TCF25: variants seen among roughly 807,000 people sequenced by gnomAD.
TCF25 encodes ribosome quality control complex subunit TCF25.
In TCF25, 41 loss-of-function variants were observed where a neutral mutation model predicts 83.1. The ratio of observed to expected loss-of-function variants is 0.49; its 90% CI spans 0.38 to 0.64. The LOEUF is 0.64. Ranked by LOEUF, TCF25 falls within the 30% of genes least tolerant of loss-of-function variation. TCF25 has a pLI of 0.00. For synonymous variants in TCF25, 458 were observed against 365.0 expected (o/e 1.25, Z -2.90); for missense variants, 979 against 914.5 (o/e 1.07, Z -0.91).
chr16:89,908,848 C>A, intron 16 of TCF25: 2 of 1,144,678 alleles, frequency 1.7e-6, no homozygotes, highest in Non-Finnish European at 2.3e-6. Flanking sequence ...TCGCAGCTCC[C>A]AGCTCTCTCC....
intron 16 of TCF25, chr16:89,909,287 A>C: frequency 1.8e-6 from 1 of 555,324 alleles, no homozygotes; most frequent in East Asian, 7.0e-5. Flanking sequence ...CAAGGTGGGC[A>C]AATCACAAGG....
At chr16:89,891,195 G>A (rs780122026) in intron 5 of TCF25, among the ~76,000 whole-genome samples, 3 of 152,238 alleles carry the variant, frequency 2.0e-5, no homozygotes, top group Non-Finnish European at 2.9e-5. Flanking sequence ...CGTTGGGTCT[G>A]TTCTGGAGGC....
chr16:89,883,761 C>T (rs1008645831), intron 2 of TCF25: 6 of 452,148 alleles, frequency 1.3e-5, no homozygotes, highest in South Asian at 5.8e-5. Context: ...TAACCGCACA[C>T]GTGTGTCCCT....
At chr16:89,907,368 CCTCCCA>C in intron 16 of TCF25, 46 bp downstream of exon 16, 1 of 1,029,230 alleles carries the variant, frequency 9.7e-7, no homozygotes, top group Non-Finnish European at 1.4e-6. Flanking sequence ...CCACCTCCCT[CCTCCCA>C]GTTCCCAGCT....
chr16:89,884,476 A>G, intron 2 of TCF25, 106 bp from the exon 3 acceptor site: 2 of 1,116,666 alleles, frequency 1.8e-6, no homozygotes, highest in Non-Finnish European at 2.6e-6. Flanking sequence ...ACGGAGGGAG[A>G]GGTAGGGGCT....
chr16:89,906,096 G>A, intron 14 of TCF25, 98 bp from the exon 15 acceptor site: 1 of 1,028,336 alleles, frequency 9.7e-7, no homozygotes, highest in Non-Finnish European at 1.4e-6. Context: ...GCAGCGAGAT[G>A]CCTCGTGCTG....
intron 11 of TCF25, among the ~76,000 whole-genome samples, chr16:89,900,248 AACTCGCGCGGCAGTGGGCTGCTCTCACAG>A (rs1386805528): frequency 7.0e-6 from 1 of 142,032 alleles, no homozygotes; most frequent in Non-Finnish European, 1.6e-5. Context: ...TGCTCTCGGA[AACTCGCGCGGCAGTGGGCTGCTCTCACAG>A]ACTCGCGCGG....
At chr16:89,879,265 GC>G (rs2042425380) in intron 1 of TCF25, among the ~76,000 whole-genome samples, 1 of 149,644 alleles carries the variant, frequency 6.7e-6, no homozygotes, top group South Asian at 2.1e-4. Context: ...GGGCTTCGGG[GC>G]CTGTCACACG....
intron 12 of TCF25, among the ~76,000 whole-genome samples, chr16:89,902,653 C>T (rs1320571445): frequency 2.8e-5 from 4 of 145,278 alleles, no homozygotes; most frequent in African/African-American, 9.9e-5. Flanking sequence ...CGCGCCACTG[C>T]ACTCCAGCCT....
At chr16:89,900,066 G>A (rs187129185) in intron 11 of TCF25, among the ~76,000 whole-genome samples, 38 of 152,326 alleles carry the variant, frequency 2.5e-4, no homozygotes, top group African/African-American at 8.7e-4. Flanking sequence ...CCAAAATGGG[G>A]CTGCAGAAGA....
chr16:89,892,134 A>C, intron 5 of TCF25, 59 bp from the exon 6 acceptor site: 1 of 1,489,970 alleles, frequency 6.7e-7, no homozygotes, highest in Admixed American at 2.3e-5. Flanking sequence ...CAGGCAGCCA[A>C]GCCTTGGTCC....
At position 89,911,371 on chromosome 16, in the gene TCF25, A is replaced by C; in HGVS notation, c.*133A>C. ...GTCCACTGTTTCTCCTATAAATGTA[A>C]ATGGGTCACGCTCTGCCGTCCGCAC... On this transcript the variant is annotated 3_prime_UTR_variant, in exon 18 of 18. Transcript: ENST00000263346. 8.2e-7 allele frequency: 1 copy of C among 1,219,134 alleles called. No homozygotes were observed. The highest frequency in any genetic ancestry group is 1.1e-6 in the Non-Finnish European group (1 of 870,918). The allele number at this position is 1,219,134 out of a possible 1,614,324, so 75.5% of individuals were successfully genotyped here.
intron 5 of TCF25, 46 bp downstream of exon 5, chr16:89,887,763 C>T: frequency 6.7e-7 from 1 of 1,498,424 alleles, no homozygotes; most frequent in Non-Finnish European, 8.9e-7. Flanking sequence ...TTCATTCCTT[C>T]TTAGACTCTT....
intron 14 of TCF25, 129 bp from the exon 15 acceptor site, chr16:89,906,065 G>A: frequency 1.2e-6 from 1 of 815,338 alleles, no homozygotes. Flanking sequence ...AAAGTGTACA[G>A]TTTTTGCAGC....
chr16:89,904,814 C>G, intron 13 of TCF25, 124 bp from the exon 14 acceptor site: 1 of 1,241,460 alleles, frequency 8.1e-7, no homozygotes, highest in Non-Finnish European at 1.1e-6. Flanking sequence ...CAGGGGCCTC[C>G]TTTCACTCCA....
rs1438569752 is a variant in TCF25, at chr16:89,911,113, C to G, written c.1906C>G (p.Leu636Val). The stretch of plus-strand genomic sequence containing the variant: ...GCCCGAGGAAGGAGTGGCTGGGGGT[C>G]TGAACCGCAACCAGGGCCTGAACAG... The part of the protein sequence containing the change: ...ERPEEGVAGG[L>V]NRNQGLNRLM... The change falls in exon 18 of 18, where the codon CTG becomes GTG. Residue 636 changes from leucine (L) to valine (V), a missense_variant. Coordinates refer to ENST00000263346, the MANE Select transcript of TCF25 (RefSeq NM_014972.3). 9.3e-6 allele frequency: 15 copies of G among 1,611,476 alleles called. No individual in the cohort carries two copies. Among genetic ancestry groups the G allele is most frequent in the Non-Finnish European group, 1.3e-5 (15 of 1,179,908 alleles).
chr16:89,887,366 C>A lies in TCF25; in HGVS notation c.549-286C>A, dbSNP rs187163632. ...GTAGTGTAGTCCCAGGGTGCGTGCA[C>A]TGCCCCGACTCAGCCTCAGAAACAG... On this transcript the variant is annotated intron_variant, in intron 4 of 17. Coordinates refer to ENST00000263346, the MANE Select transcript of TCF25 (RefSeq NM_014972.3). 1.2e-3 allele frequency among the ~76,000 whole-genome samples: 190 copies of A among 152,202 alleles called. 1 individual carries two copies. Among genetic ancestry groups the A allele is most frequent in the African/African-American group, 4.3e-3 (179 of 41,534 alleles).
chr16:89,900,675 C>G lies in TCF25; in HGVS notation c.1262C>G (p.Ser421Cys). 6.2e-7 allele frequency: 1 copy of G among 1,602,624 alleles called. No homozygotes were observed. The highest frequency in any genetic ancestry group is 8.5e-7 in the Non-Finnish European group (1 of 1,170,256). Residue 421 changes from serine to cysteine, a missense_variant, in exon 12 of 18, where the codon TCT becomes TGT. Transcript: ENST00000263346. Reference protein sequence around the residue: ...NLSQLPNFAFSVPLAYFLLSQ... With the variant: ...NLSQLPNFAFCVPLAYFLLSQ... The stretch of plus-strand genomic sequence containing the variant: ...TCCCAGCTCCCTAATTTTGCCTTCT[C>G]TGTTCCACTGGCGTATTTCCTGCTG...
At chr16:89,896,168 T>C (rs866066791) in intron 9 of TCF25, 85 bp downstream of exon 9, 195 of 1,294,564 alleles carry the variant, frequency 1.5e-4, no homozygotes, top group Non-Finnish European at 2.0e-4. Context: ...GGGCACCTCA[T>C]GGCTGCCCTC....
Sources: gnomAD v4.1 joint callset for allele counts (sites outside exome capture counted in the v4.1 genomes callset) on GRCh38, gnomAD v4.1.1 for gene constraint, MANE v1.5 for transcripts, NCBI Gene and HGNC (gene_info 2026-07-23, HGNC 2026-07-21) for gene names.